The following TARBP1 variants were observed in gnomAD, a reference collection of about 807,000 sequenced individuals.
TARBP1 encodes the protein tRNA guanosine 2 -O-methyltransferase TARBP1, also known as tRNA (guanosine(18)-2'-O)-methyltransferase TARBP1.
TARBP1 carries 144 observed loss-of-function variants against 178.6 expected under a neutral mutation model. The ratio of observed to expected loss-of-function variants is 0.81; its 90% CI spans 0.70 to 0.93. TARBP1 has a LOEUF of 0.93. Ranked by LOEUF, TARBP1 falls within the 40% of genes least tolerant of loss-of-function variation. TARBP1 has a pLI of 0.00. For missense variants in TARBP1, 2,067 were observed against 2,011.7 expected (o/e 1.03, Z -0.53); for synonymous variants, 787 against 781.0 (o/e 1.01, Z -0.13).
At position 234,455,997 on chromosome 1, in the gene TARBP1, T is replaced by C. The variant is rs182727036; in HGVS notation, c.1722+1670A>G. On this transcript the variant is annotated intron_variant, in intron 9 of 29. Transcript: ENST00000040877. ...TAAAGTCACCAAATGCTATGTTTTA[T>C]CTACCAAAGTGGCAAAGAATTTAAC... 1.3e-3 allele frequency among the ~76,000 whole-genome samples: 193 copies of C among 152,326 alleles called. 1 individual carries two copies. The highest frequency in any genetic ancestry group is 4.4e-3 in the African/African-American group (181 of 41,582).
intron 26 of TARBP1, among the ~76,000 whole-genome samples, chr1:234,395,583 G>A (rs1186343036): frequency 2.0e-5 from 3 of 152,178 alleles, no homozygotes; most frequent in Non-Finnish European, 2.9e-5. Context: ...AAGGCAAACT[G>A]AATTTGGATA....
intron 22 of TARBP1, among the ~76,000 whole-genome samples, chr1:234,413,155 T>G (rs1450988862): frequency 6.6e-6 from 1 of 152,098 alleles, no homozygotes; most frequent in Admixed American, 6.5e-5. Flanking sequence ...AAGGAGCCAT[T>G]TGGAAGTCCC....
At chr1:234,460,441 TGAAAA>T in intron 6 of TARBP1, 45 bp from the exon 7 acceptor site, 1 of 1,603,850 alleles carries the variant, frequency 6.2e-7, no homozygotes, top group South Asian at 1.1e-5. Context: ...AATTAGCACA[TGAAAA>T]GAAGCTCAAT....
At chr1:234,402,979 A>T (rs1186229807) in intron 24 of TARBP1, among the ~76,000 whole-genome samples, 4 of 151,936 alleles carry the variant, frequency 2.6e-5, no homozygotes, top group Non-Finnish European at 5.9e-5. Flanking sequence ...GCCCTTGTTT[A>T]CCTTACCTCA....
At chr1:234,396,412 G>C (rs999319365) in intron 26 of TARBP1, among the ~76,000 whole-genome samples, 2 of 152,038 alleles carry the variant, frequency 1.3e-5, no homozygotes, top group African/African-American at 4.8e-5. Context: ...ATACTTCCTT[G>C]GGGTCTCTGC....
At chr1:234,413,285 C>A (rs1662058804) in intron 22 of TARBP1, among the ~76,000 whole-genome samples, 1 of 152,174 alleles carries the variant, frequency 6.6e-6, no homozygotes, top group African/African-American at 2.4e-5. Context: ...GCCAAGGCGA[C>A]ATGGTGAAAC....
chr1:234,402,260 C>G (rs111782363), intron 24 of TARBP1, among the ~76,000 whole-genome samples: 10 of 152,290 alleles, frequency 6.6e-5, no homozygotes, highest in African/African-American at 2.2e-4. Flanking sequence ...TCATTCGATG[C>G]CTTTCTGCAC....
intron 1 of TARBP1, among the ~76,000 whole-genome samples, chr1:234,476,112 A>G (rs1672099473): frequency 6.6e-6 from 1 of 152,248 alleles, no homozygotes; most frequent in Admixed American, 6.5e-5. Flanking sequence ...GCAGATAACT[A>G]TAATTGATAT....
rs767127624 is a variant in TARBP1 at position 234,393,763 on chromosome 1, G to C, written c.4318C>G (p.Arg1440Gly). Residue 1440 changes from arginine (R) to glycine (G), a missense_variant, in exon 27 of 30, where the codon CGT becomes GGT. Transcript: ENST00000040877. ...AGCTCCAGGTCTAAGTCGGAAACAC[G>C]ACTGTTCCACGGGATAATCTTCTTC... ...VQKKIIPWNSRVSDLDLELLF... is the reference protein window; with the variant it reads ...VQKKIIPWNSGVSDLDLELLF... 1.2e-6 allele frequency: 2 copies of C among 1,613,956 alleles called. No individual in the cohort carries two copies. Among genetic ancestry groups the C allele is most frequent in the Non-Finnish European group, 1.7e-6 (2 of 1,180,024 alleles).
chr1:234,430,277 G>C lies in TARBP1; in HGVS notation c.2419C>G (p.Gln807Glu). ...AAGGCAGCCATGCTCACTACTCTCTGAATCTGACTTCCAACTGTTGGCTCC... is the reference window on the plus strand; with the variant it reads ...AAGGCAGCCATGCTCACTACTCTCTCAATCTGACTTCCAACTGTTGGCTCC... Reference protein sequence around the residue: ...GQEPTVGSQIQRVVSMAALAM... With the variant: ...GQEPTVGSQIERVVSMAALAM... The change falls in exon 15 of 30, where the codon CAG becomes GAG. Residue 807 changes from glutamine (Q) to glutamate (E), a missense_variant. Coordinates refer to ENST00000040877, the MANE Select transcript of TARBP1 (RefSeq NM_005646.4). 1.9e-6 allele frequency: 3 copies of C among 1,613,836 alleles called. No homozygotes were observed. The highest frequency in any genetic ancestry group is 2.5e-6 in the Non-Finnish European group (3 of 1,179,966).
chr1:234,403,833 G>A (rs1471280131), intron 24 of TARBP1, among the ~76,000 whole-genome samples: 1 of 152,078 alleles, frequency 6.6e-6, no homozygotes, highest in Non-Finnish European at 1.5e-5. Context: ...ACAGGCGCCT[G>A]CCACCACACC....
chr1:234,474,301 A>T (rs1247457812), intron 1 of TARBP1, among the ~76,000 whole-genome samples: 3 of 146,984 alleles, frequency 2.0e-5, no homozygotes, highest in Non-Finnish European at 4.5e-5. Flanking sequence ...GGGGACATTT[A>T]AAAAAAAAAA....
chr1:234,465,466 C>A (rs1358410311), intron 5 of TARBP1, among the ~76,000 whole-genome samples, 190 bp downstream of exon 5: 1 of 151,894 alleles, frequency 6.6e-6, no homozygotes, highest in Non-Finnish European at 1.5e-5. Context: ...CAAGAAAAAA[C>A]AAAGGAGAAA....
At chr1:234,459,108 ATTATT>A in intron 8 of TARBP1, 117 bp downstream of exon 8, 1 of 648,618 alleles carries the variant, frequency 1.5e-6, no homozygotes. Context: ...AAGCACATTT[ATTATT>A]TTATTACAAG....
chr1:234,431,302 C>T (rs1156738291), intron 14 of TARBP1, among the ~76,000 whole-genome samples: 3 of 152,212 alleles, frequency 2.0e-5, no homozygotes, highest in African/African-American at 7.2e-5. Flanking sequence ...CAACTATCGT[C>T]CCTGCTAACC....
At chr1:234,460,057 T>C (rs777244054) in intron 7 of TARBP1, among the ~76,000 whole-genome samples, 2 of 152,210 alleles carry the variant, frequency 1.3e-5, no homozygotes, top group Non-Finnish European at 1.5e-5. Flanking sequence ...ACATTTAAAC[T>C]AGTAATTTGT....
At chr1:234,401,111 A>G in intron 25 of TARBP1, 70 bp downstream of exon 25, 1 of 1,328,462 alleles carries the variant, frequency 7.5e-7, no homozygotes, top group Non-Finnish European at 1.1e-6. Flanking sequence ...CAACCCTTCA[A>G]CAAAAGCAGA....
intron 27 of TARBP1, 58 bp from the exon 28 acceptor site, chr1:234,393,544 T>C (rs1164144628): frequency 6.4e-7 from 1 of 1,571,266 alleles, no homozygotes; most frequent in African/African-American, 1.4e-5. Flanking sequence ...AAGCTCATCA[T>C]GTCGCATACA....
At chr1:234,458,282 T>A (rs1213657559) in intron 8 of TARBP1, among the ~76,000 whole-genome samples, 1 of 152,028 alleles carries the variant, frequency 6.6e-6, no homozygotes, top group Non-Finnish European at 1.5e-5. Context: ...AGGTGGAGGT[T>A]GCAGTGAGCC....
Sources: gnomAD v4.1 joint callset for allele counts (sites outside exome capture counted in the v4.1 genomes callset) on GRCh38, gnomAD v4.1.1 for gene constraint, MANE v1.5 for transcripts, NCBI Gene and HGNC (gene_info 2026-07-23, HGNC 2026-07-21) for gene names.